KDM5A: variants seen among roughly 807,000 people sequenced by gnomAD.
The protein encoded by KDM5A is lysine demethylase 5A, also known as lysine-specific demethylase 5A.
Under a neutral mutation model 193.5 loss-of-function variants are expected in KDM5A, and 42 were observed. The ratio of observed to expected loss-of-function variants is 0.22; its 90% CI spans 0.17 to 0.28. The LOEUF (loss-of-function observed/expected upper bound fraction) is 0.28, where lower values mean the gene tolerates loss of function less well. Ranked by LOEUF, KDM5A falls within the 10% of genes least tolerant of loss-of-function variation. The probability of loss-of-function intolerance (pLI) is 1.00; values close to 1 mark genes in which losing one functional copy is unlikely to be tolerated. For synonymous variants in KDM5A, 796 were observed against 718.1 expected (o/e 1.11, Z -1.73); for missense variants, 1,692 against 2,055.1 (o/e 0.82, Z 3.42).
rs77049052 is a variant in KDM5A, at chr12:281,537, A to T, written c.*3919T>A. On this transcript the variant is annotated 3_prime_UTR_variant, in exon 28 of 28. Transcript: ENST00000399788. ...ATCCAAAGAAGTAATGGTATGACTTAAAAAAAAAGGAGGAATTTCAAAAGG... is the reference window on the plus strand; with the variant it reads ...ATCCAAAGAAGTAATGGTATGACTTTAAAAAAAAGGAGGAATTTCAAAAGG... 1.8e-4 allele frequency: 42 copies of T among 229,274 alleles called. No homozygotes were observed. In the East Asian group the frequency reaches 2.5e-3, roughly 14 times the overall value. The allele number at this position is 229,274 out of a possible 1,614,324, so 14.2% of individuals were successfully genotyped here.
intron 3 of KDM5A, 129 bp from the exon 4 acceptor site, chr12:366,233 A>G: frequency 1.4e-6 from 1 of 738,772 alleles, no homozygotes; most frequent in Non-Finnish European, 2.3e-6. Context: ...TGAGTATCTA[A>G]CCAAACTGAC....
intron 10 of KDM5A, 76 bp downstream of exon 10, chr12:350,545 G>A (rs1944143413): frequency 5.8e-6 from 8 of 1,370,518 alleles, no homozygotes; most frequent in Non-Finnish European, 8.3e-6. Context: ...TTAAGTTAAT[G>A]TGATCCCTTA....
Position 285,236 on chromosome 12 carries a change from TG to T in KDM5A, c.*219del, listed in dbSNP as rs1943204979. Reference sequence around the variant, plus strand: ...CACACTCAAAGGAGACATGAAATATTGGCTGTTGTACCAAAGAAGACACCCT... The same window carrying T: ...CACACTCAAAGGAGACATGAAATATTGCTGTTGTACCAAAGAAGACACCCT... On this transcript the variant is annotated 3_prime_UTR_variant, in exon 28 of 28. Transcript: ENST00000399788. 1.7e-6 allele frequency: 1 copy of T among 589,582 alleles called. No individual in the cohort carries two copies. The highest frequency in any genetic ancestry group is 3.0e-6 in the Non-Finnish European group (1 of 330,832). 36.5% of individuals were successfully genotyped at this position (589,582 alleles called of 1,614,324 possible).
chr12:378,108 T>C (rs926927455), intron 3 of KDM5A, among the ~76,000 whole-genome samples: 3 of 152,154 alleles, frequency 2.0e-5, no homozygotes, highest in Admixed American at 6.5e-5. Context: ...AGGAAATCAG[T>C]ATATGATATT....
chr12:373,152 G>A (rs1282548135), intron 3 of KDM5A, among the ~76,000 whole-genome samples: 1 of 152,228 alleles, frequency 6.6e-6, no homozygotes, highest in East Asian at 1.9e-4. Context: ...GACTGGAATA[G>A]TTTCAGAAAG....
Position 299,603 on chromosome 12 carries a change from C to T in KDM5A, c.4075-2403G>A, listed in dbSNP as rs546372384. ...AGTCACTGGAAAAAACATACCAAAT[C>T]GTAAAGACCATCGACGCTATGAAGA... On this transcript the variant is annotated intron_variant, in intron 24 of 27. Transcript: ENST00000399788. 4.6e-5 allele frequency among the ~76,000 whole-genome samples: 7 copies of T among 152,160 alleles called. No individual in the cohort carries two copies. In the South Asian group the frequency reaches 1.2e-3, roughly 27 times the overall value.
At position 308,282 on chromosome 12, in the gene KDM5A, A is replaced by G. The variant is rs560637575; in HGVS notation, c.3379-277T>C. 5.3e-5 allele frequency among the ~76,000 whole-genome samples: 8 copies of G among 152,310 alleles called. No homozygotes were observed. In the East Asian group the frequency reaches 1.5e-3, roughly 29 times the overall value. ...TTGAAATCAAGCAACCTGGGTACAA[A>G]GCCTGGCTCTTGTACTTTTAGACTG... On this transcript the variant is annotated intron_variant, in intron 22 of 27. Coordinates refer to ENST00000399788, the MANE Select transcript of KDM5A (RefSeq NM_001042603.3).
chr12:340,062 G>C (rs1159602398), intron 10 of KDM5A, among the ~76,000 whole-genome samples: 1 of 151,870 alleles, frequency 6.6e-6, no homozygotes, highest in Non-Finnish European at 1.5e-5. Flanking sequence ...TTATTGTAGA[G>C]ACAGGGTTTC....
At chr12:330,097 A>ATATATG (rs1248827358) in intron 13 of KDM5A, among the ~76,000 whole-genome samples, 1 of 116,664 alleles carries the variant, frequency 8.6e-6, no homozygotes, top group East Asian at 3.2e-4. Context: ...ATATATATAT[A>ATATATG]TCTTATGATT....
intron 3 of KDM5A, among the ~76,000 whole-genome samples, chr12:376,920 A>G (rs1944512702): frequency 6.6e-6 from 1 of 152,208 alleles, no homozygotes. Flanking sequence ...AAAACAGACA[A>G]ACAAAAATTA....
At chr12:361,785 C>T (rs2137465161) in intron 5 of KDM5A, among the ~76,000 whole-genome samples, 1 of 152,322 alleles carries the variant, frequency 6.6e-6, no homozygotes, top group East Asian at 1.9e-4. Context: ...GAGGTTATCA[C>T]TTTCCAATGA....
intron 19 of KDM5A, among the ~76,000 whole-genome samples, chr12:317,155 A>G (rs1181365952): frequency 6.6e-6 from 1 of 152,222 alleles, no homozygotes; most frequent in Non-Finnish European, 1.5e-5. Flanking sequence ...CAGCCACTCA[A>G]CATTCTCCTC....
At chr12:354,017 G>T in intron 8 of KDM5A, 59 bp downstream of exon 8, 1 of 1,194,258 alleles carries the variant, frequency 8.4e-7, no homozygotes, top group Non-Finnish European at 1.3e-6. Flanking sequence ...ATATGTAGGT[G>T]TATATGCATG....
chr12:328,703 TA>T, intron 14 of KDM5A, 131 bp downstream of exon 14: 1 of 777,406 alleles, frequency 1.3e-6, no homozygotes, highest in African/African-American at 1.8e-5. Context: ...TATAAAAATA[TA>T]AAATCTTCTC....
At chr12:292,406 G>A (rs1164305547) in intron 27 of KDM5A, among the ~76,000 whole-genome samples, 2 of 152,050 alleles carry the variant, frequency 1.3e-5, no homozygotes, top group South Asian at 2.1e-4. Context: ...GTGACTATCC[G>A]ACAAGGTATT....
Position 295,562 on chromosome 12 carries a change from T to C in KDM5A, c.4455+11A>G, listed in dbSNP as rs754111525. 11 of 1,611,862 alleles carry C rather than the reference T, an allele frequency of 6.8e-6. No homozygotes were observed. In the East Asian group the frequency reaches 2.5e-4, roughly 36 times the overall value. On this transcript the variant is annotated intron_variant, in intron 26 of 27. Transcript: ENST00000399788. Reference sequence around the variant, plus strand: ...TTTTAACCACTGTTTAAATAAGTATTAAATCCACACCTCCATGATATGCAA... The same window carrying C: ...TTTTAACCACTGTTTAAATAAGTATCAAATCCACACCTCCATGATATGCAA...
chr12:314,768 G>A (rs1375967073), intron 19 of KDM5A, among the ~76,000 whole-genome samples: 2 of 152,098 alleles, frequency 1.3e-5, no homozygotes, highest in Admixed American at 6.6e-5. Flanking sequence ...TGCTCCACAG[G>A]AGAATAAAAT....
At chr12:380,987 G>GT (rs1565553658) in intron 3 of KDM5A, among the ~76,000 whole-genome samples, 3 of 106,524 alleles carry the variant, frequency 2.8e-5, no homozygotes. Context: ...GTAGAGATAG[G>GT]TTTTATTTTA....
chr12:304,964 C>A (rs1184666334), intron 24 of KDM5A, among the ~76,000 whole-genome samples: 1 of 152,104 alleles, frequency 6.6e-6, no homozygotes, highest in East Asian at 1.9e-4. Flanking sequence ...TTCTTTTCAG[C>A]TGCTCTTAGT....
Sources: gnomAD v4.1 joint callset for allele counts (sites outside exome capture counted in the v4.1 genomes callset) on GRCh38, gnomAD v4.1.1 for gene constraint, MANE v1.5 for transcripts, NCBI Gene and HGNC (gene_info 2026-07-23, HGNC 2026-07-21) for gene names.